Variants in MICAL2 observed in about 807,000 individuals in gnomAD.
The protein encoded by MICAL2 is [F-actin]-monooxygenase MICAL2.
A neutral mutation model predicts 127.3 loss-of-function variants in MICAL2; 77 were observed. That is an observed-to-expected ratio of 0.60 (90% CI 0.50 to 0.73). The LOEUF (loss-of-function observed/expected upper bound fraction) is 0.73, where lower values mean the gene tolerates loss of function less well. Among genes scored for constraint, MICAL2 ranks in the 30% least tolerant of loss-of-function variants. MICAL2 has a pLI of 0.00. For synonymous variants in MICAL2, 570 were observed against 551.1 expected (o/e 1.03, Z -0.48); for missense variants, 1,351 against 1,434.4 (o/e 0.94, Z 0.94).
chr11:12,343,711 T>G (rs2134886480), intron 32 of MICAL2, among the ~76,000 whole-genome samples: 1 of 152,316 alleles, frequency 6.6e-6, no homozygotes, highest in Non-Finnish European at 1.5e-5. Flanking sequence ...GAAAGCTGCT[T>G]CTTTTGGATC....
At chr11:12,175,825 G>A (rs180916243) in intron 3 of MICAL2, among the ~76,000 whole-genome samples, 5 of 152,234 alleles carry the variant, frequency 3.3e-5, no homozygotes, top group East Asian at 3.9e-4. Flanking sequence ...GTGTGCTCAG[G>A]ATGTTGTGGA....
intron 32 of MICAL2, among the ~76,000 whole-genome samples, chr11:12,349,176 A>G (rs1210630414): frequency 6.6e-6 from 1 of 152,224 alleles, no homozygotes; most frequent in African/African-American, 2.4e-5. Flanking sequence ...ATCTAACATT[A>G]AATATCTAAG....
chr11:12,358,364 A>C, exon 35 of MICAL2: 1 of 1,614,140 alleles, frequency 6.2e-7, no homozygotes, highest in Non-Finnish European at 8.5e-7. Flanking sequence ...CAAGTGATTG[A>C]GCAAAGGGAC....
downstream of MICAL2, among the ~76,000 whole-genome samples, chr11:12,293,380 G>T (rs3812751): frequency 0.17 from 26,419 of 152,036 alleles, 2,577 homozygotes; most frequent in East Asian, 0.38. Context: ...AGGACCCAAG[G>T]CAGCTACTTA....
At chr11:12,300,090 T>G (rs1376386786) in intron 29 of MICAL2, among the ~76,000 whole-genome samples, 2 of 152,014 alleles carry the variant, frequency 1.3e-5, no homozygotes, top group East Asian at 3.9e-4. Context: ...AGGTCAGGAA[T>G]TCAAAACCAG....
At chr11:12,323,028 G>A (rs927786184) in intron 30 of MICAL2, among the ~76,000 whole-genome samples, 1 of 152,096 alleles carries the variant, frequency 6.6e-6, no homozygotes, top group Admixed American at 6.5e-5. Context: ...GGGATTGGAT[G>A]CCAGCTTTGC....
chr11:12,221,510 G>C, intron 9 of MICAL2, 134 bp from the exon 10 acceptor site: 3 of 570,362 alleles, frequency 5.3e-6, no homozygotes, highest in South Asian at 5.6e-5. Flanking sequence ...TAGGTAGCAG[G>C]GTCCCTGCCC....
At chr11:12,343,954 A>C (rs974466242) in intron 32 of MICAL2, among the ~76,000 whole-genome samples, 2 of 152,226 alleles carry the variant, frequency 1.3e-5, no homozygotes, top group African/African-American at 4.8e-5. Context: ...TCTTGGATGT[A>C]GCATTACTCA....
intron 3 of MICAL2, among the ~76,000 whole-genome samples, chr11:12,198,444 C>T (rs529697634): frequency 6.6e-6 from 1 of 152,356 alleles, no homozygotes; most frequent in Non-Finnish European, 1.5e-5. Flanking sequence ...CCAACACACA[C>T]ATTCTGGCAG....
chr11:12,224,644 C>A (rs1346162915), intron 12 of MICAL2, 29 bp from the exon 13 acceptor site: 3 of 1,606,156 alleles, frequency 1.9e-6, no homozygotes, highest in East Asian at 4.5e-5. Context: ...TCCTGCAGAG[C>A]CTCACTGCCT....
intron 3 of MICAL2, among the ~76,000 whole-genome samples, chr11:12,202,861 T>C (rs1050762165): frequency 1.1e-4 from 16 of 152,324 alleles, no homozygotes; most frequent in African/African-American, 3.8e-4. Context: ...ATTTACAAAG[T>C]TATGCAACAT....
At chr11:12,167,502 A>T (rs1855656270) in intron 3 of MICAL2, among the ~76,000 whole-genome samples, 2 of 152,092 alleles carry the variant, frequency 1.3e-5, no homozygotes, top group African/African-American at 4.8e-5. Flanking sequence ...GGGAGCAAAG[A>T]CTGCTACCCC....
chr11:12,309,744 G>A (rs1317829877), intron 29 of MICAL2, among the ~76,000 whole-genome samples: 2 of 151,972 alleles, frequency 1.3e-5, no homozygotes, highest in Non-Finnish European at 1.5e-5. Context: ...TTGAGAAACC[G>A]CCATACTGTT....
intron 12 of MICAL2, 84 bp downstream of exon 12, chr11:12,223,585 G>A: frequency 8.0e-7 from 1 of 1,255,406 alleles, no homozygotes; most frequent in Non-Finnish European, 1.2e-6. Flanking sequence ...TGGTGACACA[G>A]GCACTGCAAC....
chr11:12,358,384 G>T, exon 35 of MICAL2: 4 of 1,614,114 alleles, frequency 2.5e-6, no homozygotes, highest in Non-Finnish European at 3.4e-6. Flanking sequence ...CAAACTCGTC[G>T]ATTCCTTAGA....
intron 1 of MICAL2, among the ~76,000 whole-genome samples, chr11:12,277,299 C>A (rs572471963): frequency 6.6e-6 from 1 of 151,890 alleles, no homozygotes; most frequent in Non-Finnish European, 1.5e-5. Flanking sequence ...GGCTTGACAA[C>A]GCACAGTGCT....
chr11:12,150,734 G>T (rs769237811), intron 2 of MICAL2, among the ~76,000 whole-genome samples: 4 of 152,158 alleles, frequency 2.6e-5, no homozygotes, highest in African/African-American at 4.8e-5. Flanking sequence ...AGATACAAAG[G>T]TTCCCCTGGA....
intron 1 of MICAL2, among the ~76,000 whole-genome samples, chr11:12,277,441 A>G (rs1278296875): frequency 6.6e-6 from 1 of 152,212 alleles, no homozygotes; most frequent in African/African-American, 2.4e-5. Context: ...TCTAAAGGGA[A>G]TAATTGCAAC....
intron 32 of MICAL2, among the ~76,000 whole-genome samples, chr11:12,339,034 A>T (rs1259145680): frequency 2.0e-5 from 3 of 152,104 alleles, no homozygotes; most frequent in African/African-American, 7.2e-5. Flanking sequence ...CTCCTGGATA[A>T]TATCCTGCAG....
Sources: gnomAD v4.1 joint callset for allele counts (sites outside exome capture counted in the v4.1 genomes callset) on GRCh38, gnomAD v4.1.1 for gene constraint, MANE v1.5 for transcripts, NCBI Gene and HGNC (gene_info 2026-07-23, HGNC 2026-07-21) for gene names.